Variants in EVI5L observed in about 807,000 individuals in gnomAD.
EVI5L encodes the protein EVI5-like protein.
Under a neutral mutation model 106.1 loss-of-function variants are expected in EVI5L, and 30 were observed. The observed-to-expected ratio is 0.28, with a 90% CI of 0.21 to 0.38. The LOEUF is 0.38. Ranked by LOEUF, EVI5L falls within the 10% of genes least tolerant of loss-of-function variation. The pLI is 1.00. For missense variants in EVI5L, 809 were observed against 1,098.0 expected, an observed-to-expected ratio of 0.74 and a Z score of 3.72; for synonymous variants, 489 against 483.3, an observed-to-expected ratio of 1.01 and a Z score of -0.15.
chr19:7,831,500 C>T (rs1284216633), intron 1 of EVI5L, among the ~76,000 whole-genome samples: 1 of 152,124 alleles, frequency 6.6e-6, no homozygotes, highest in African/African-American at 2.4e-5. Flanking sequence ...CTCCACCAAA[C>T]CAGCGCCCAC....
chr19:7,843,561 GGTAT>G (rs1978801388), intron 1 of EVI5L, among the ~76,000 whole-genome samples: 1 of 44,046 alleles, frequency 2.3e-5, no homozygotes, highest in African/African-American at 6.1e-5. Context: ...TGTGTGTATA[GGTAT>G]GTGAGTGTGA....
At chr19:7,833,276 G>T (rs1978302061) in intron 1 of EVI5L, among the ~76,000 whole-genome samples, 1 of 152,254 alleles carries the variant, frequency 6.6e-6, no homozygotes, top group Non-Finnish European at 1.5e-5. Flanking sequence ...GTGAAGGAAT[G>T]TAAGATGTGT....
rs986027893 is a variant in EVI5L at position 7,830,271 on chromosome 19, G to C, written c.-158G>C. The stretch of plus-strand genomic sequence containing the variant: ...CCGGCGGCGGCCGCGGTCCCGGGGG[G>C]CGGCTGAGGGGGCCGGGCCGGGGCT... On this transcript the variant is annotated 5_prime_UTR_variant, in exon 1 of 20. Coordinates refer to ENST00000538904, the MANE Select transcript of EVI5L (RefSeq NM_001159944.3). 1 of 151,806 alleles carries C rather than the reference G, an allele frequency of 6.6e-6. No homozygotes were observed. Among genetic ancestry groups the C allele is most frequent in the East Asian group, 1.9e-4 (1 of 5,184 alleles). 9.4% of individuals were successfully genotyped at this position (151,806 alleles called of 1,614,324 possible).
chr19:7,857,888 C>G lies in EVI5L; in HGVS notation c.1234-303C>G. ...TAGGCACAGGTGGCCTCGCTGTGCC[C>G]CTGGATAAGGATCCCAACTGGGGCA... On this transcript the variant is annotated intron_variant, in intron 12 of 19. Transcript: ENST00000538904. This position sits in a 1 kb window ranked among gnomAD's most constrained non-coding sequence, Gnocchi z 4.5. The G allele has an allele frequency of 7.8e-6, 3 of 382,506 alleles. No individual in the cohort carries two copies. The highest frequency in any genetic ancestry group is 1.4e-5 in the Non-Finnish European group (3 of 207,088). 23.7% of individuals were successfully genotyped at this position (382,506 alleles called of 1,614,324 possible).
In EVI5L at chr19:7,864,122, G is replaced by A. The variant is rs749804415; in HGVS notation, c.*420G>A. The A allele has an allele frequency of 3.4e-5, 6 of 176,590 alleles. No homozygotes were observed. Among genetic ancestry groups the A allele is most frequent in the Non-Finnish European group, 5.9e-5 (5 of 84,724 alleles). 10.9% of individuals were successfully genotyped at this position (176,590 alleles called of 1,614,324 possible). On this transcript the variant is annotated 3_prime_UTR_variant, in exon 20 of 20. Coordinates refer to ENST00000538904, the MANE Select transcript of EVI5L (RefSeq NM_001159944.3). This position sits in a 1 kb window ranked among gnomAD's most constrained non-coding sequence, Gnocchi z 4.5. ...GCTGGGAAGTGCTCAGGAGGTAGCC[G>A]AGGCCTGAGGAAGGAGAGCGCCAGC...
rs765527587 is a variant in EVI5L at position 7,851,778 on chromosome 19, G to A, written c.987+8G>A. On this transcript the variant is annotated splice_region_variant and intron_variant, in intron 8 of 19. Coordinates refer to ENST00000538904, the MANE Select transcript of EVI5L (RefSeq NM_001159944.3). ...ATGGAGGGGATGTCCCAGGTGGGCCGGGAGGGCCAGGGCCGGTGGGGCTGC... is the reference window on the plus strand; with the variant it reads ...ATGGAGGGGATGTCCCAGGTGGGCCAGGAGGGCCAGGGCCGGTGGGGCTGC... The A allele has an allele frequency of 2.2e-5, 33 of 1,494,232 alleles. No individual in the cohort carries two copies. In the Admixed American group the frequency reaches 2.7e-4, roughly 12 times the overall value. The allele number at this position is 1,494,232 out of a possible 1,614,324, so 92.6% of individuals were successfully genotyped here. A position where few individuals can be genotyped will look rare whatever the true frequency, so the allele number is the denominator to read the frequency against.
chr19:7,844,618 C>T (rs1978871590), intron 1 of EVI5L, among the ~76,000 whole-genome samples: 1 of 152,240 alleles, frequency 6.6e-6, no homozygotes, highest in Non-Finnish European at 1.5e-5. Flanking sequence ...CTGTGGGAGG[C>T]CCCAAAGTGG....
intron 1 of EVI5L, among the ~76,000 whole-genome samples, chr19:7,830,980 C>T (rs1313074437): frequency 6.6e-6 from 1 of 150,500 alleles, no homozygotes; most frequent in Non-Finnish European, 1.5e-5. Context: ...ATTTCCTACC[C>T]CTGCCCACAG....
chr19:7,842,389 T>C (rs1314754455), intron 1 of EVI5L, among the ~76,000 whole-genome samples: 1 of 27,756 alleles, frequency 3.6e-5, no homozygotes, highest in Non-Finnish European at 8.7e-5. Context: ...TGTGCATGTC[T>C]GTGAGAATGT....
At chr19:7,842,824 T>C (rs1055256982) in intron 1 of EVI5L, among the ~76,000 whole-genome samples, 11 of 151,522 alleles carry the variant, frequency 7.3e-5, no homozygotes, top group African/African-American at 2.7e-4. Context: ...TGCACATGTG[T>C]GTGTGAAGGT....
chr19:7,853,467 G>A, intron 10 of EVI5L, 134 bp downstream of exon 10: 1 of 1,229,364 alleles, frequency 8.1e-7, no homozygotes, highest in Non-Finnish European at 1.1e-6. Flanking sequence ...TGGCGGACAG[G>A]CCTCCGCCCA....
intron 6 of EVI5L, among the ~76,000 whole-genome samples, chr19:7,851,023 G>T (rs989208151): frequency 6.3e-5 from 4 of 63,058 alleles, no homozygotes; most frequent in Admixed American, 2.2e-4. Flanking sequence ...TAACAAGGTG[G>T]GGGGGGGGCT....
In EVI5L at chr19:7,853,339, T is replaced by TCCAGGGGC. The variant is rs902597640; in HGVS notation, c.1146+15_1146+22dup. ...AGGAGCAGATCGAGATCAAAGTGAG[T>TCCAGGGGC]CCAGGGGCCCAGGGGCGGGGACAGG... is the stretch of plus-strand genomic sequence containing the variant. On this transcript the variant is annotated splice_region_variant and intron_variant, in intron 10 of 19. Transcript: ENST00000538904. The TCCAGGGGC allele has an allele frequency of 9.3e-6, 15 of 1,608,118 alleles. No individual in the cohort carries two copies. The African/African-American group carries it at 1.7e-4, about 19-fold the overall frequency.
intron 1 of EVI5L, among the ~76,000 whole-genome samples, chr19:7,832,296 G>A (rs1050693516): frequency 1.3e-5 from 2 of 152,352 alleles, no homozygotes; most frequent in Middle Eastern, 6.8e-3. Context: ...TGCAGGGGGC[G>A]AGGAGCCGGG....
intron 1 of EVI5L, among the ~76,000 whole-genome samples, chr19:7,842,118 CTGAG>C: frequency 6.6e-6 from 1 of 151,918 alleles, no homozygotes; most frequent in Non-Finnish European, 1.5e-5. Flanking sequence ...GTGTGTATGC[CTGAG>C]TGTGTGAATG....
intron 8 of EVI5L, 129 bp from the exon 9 acceptor site, chr19:7,852,957 G>A: frequency 1.5e-5 from 12 of 788,152 alleles, no homozygotes; most frequent in Admixed American, 4.3e-5. Flanking sequence ...CTGAGGACAC[G>A]GCGTTGAGGA....
rs1440755596 is a variant in EVI5L at position 7,863,380 on chromosome 19, G to A, written c.2140-44G>A. On this transcript the variant is annotated intron_variant, in intron 19 of 19. Transcript: ENST00000538904. This position sits in a 1 kb window ranked among gnomAD's most constrained non-coding sequence, Gnocchi z 7.7. ...CGGAGGATGCGGCTGGGAGGGCGGG[G>A]CAGAAGGCCGGTCCACGCCTGCAGC... 7.2e-6 allele frequency: 11 copies of A among 1,533,018 alleles called. No homozygotes were observed. The South Asian group carries it at 7.3e-5, about 10-fold the overall frequency. The allele number at this position is 1,533,018 out of a possible 1,614,324, so 95.0% of individuals were successfully genotyped here.
rs142233346 is a variant in EVI5L at position 7,854,242 on chromosome 19, G to A, written c.1146+909G>A. ...GGTTACAGTGAGGCAAGATTGTACCGTTGCACTCCAGCCTGGGCGACAGAG... is the reference window on the plus strand; with the variant it reads ...GGTTACAGTGAGGCAAGATTGTACCATTGCACTCCAGCCTGGGCGACAGAG... On this transcript the variant is annotated intron_variant, in intron 10 of 19. Transcript: ENST00000538904. 2.5e-4 allele frequency among the ~76,000 whole-genome samples: 36 copies of A among 145,942 alleles called. 1 individual carries two copies. In the East Asian group the frequency reaches 6.5e-3, roughly 27 times the overall value.
At chr19:7,859,944 G>A (rs1351534202) in intron 13 of EVI5L, among the ~76,000 whole-genome samples, 1 of 152,228 alleles carries the variant, frequency 6.6e-6, no homozygotes, top group Admixed American at 6.5e-5. Context: ...GAACTGTCCT[G>A]CCAGGCCACA....
Sources: gnomAD v4.1 joint callset for allele counts (sites outside exome capture counted in the v4.1 genomes callset) on GRCh38, gnomAD v4.1.1 for gene constraint, Gnocchi (gnomAD v3.1) non-coding constraint, MANE v1.5 for transcripts, NCBI Gene and HGNC (gene_info 2026-07-23, HGNC 2026-07-21) for gene names.